HACE1: variants seen among roughly 807,000 people sequenced by gnomAD.
The protein encoded by HACE1 is HECT domain and ankyrin repeat containing E3 ubiquitin protein ligase 1, also known as E3 ubiquitin-protein ligase HACE1.
HACE1 carries 73 observed loss-of-function variants against 118.4 expected under a neutral mutation model. That is an observed-to-expected ratio of 0.62 (90% CI 0.51 to 0.75). The LOEUF is 0.75. Ranked by LOEUF, HACE1 falls within the 30% of genes least tolerant of loss-of-function variation. The probability of loss-of-function intolerance (pLI) is 0.00; values close to 1 mark genes in which losing one functional copy is unlikely to be tolerated. For missense variants in HACE1, 749 were observed against 1,102.2 expected (o/e 0.68, Z 4.54); for synonymous variants, 368 against 374.8 (o/e 0.98, Z 0.21).
chr6:104,834,494 A>T, intron 5 of HACE1, among the ~76,000 whole-genome samples: 1 of 152,028 alleles, frequency 6.6e-6, no homozygotes, highest in East Asian at 1.9e-4. Flanking sequence ...TTTTCACATG[A>T]TTTTTTTTCA....
chr6:104,784,921 A>G (rs949285551), intron 12 of HACE1, 64 bp downstream of exon 12: 1 of 1,030,588 alleles, frequency 9.7e-7, no homozygotes, highest in Non-Finnish European at 1.5e-6. Context: ...TGAAATTACA[A>G]AAGTATCACT....
intron 22 of HACE1, among the ~76,000 whole-genome samples, chr6:104,737,458 T>C (rs958502389): frequency 6.6e-6 from 1 of 151,914 alleles, no homozygotes; most frequent in Non-Finnish European, 1.5e-5. Context: ...TGGGCGCAGG[T>C]CAGTGGGTGT....
intron 19 of HACE1, among the ~76,000 whole-genome samples, chr6:104,769,707 G>C (rs1780410340): frequency 6.6e-6 from 1 of 152,116 alleles, no homozygotes; most frequent in South Asian, 2.1e-4. Context: ...TAGGAGGCTT[G>C]GGTTTTGGCC....
intron 19 of HACE1, among the ~76,000 whole-genome samples, chr6:104,754,380 T>G (rs1036407542): frequency 3.3e-5 from 5 of 152,052 alleles, no homozygotes; most frequent in Non-Finnish European, 5.9e-5. Context: ...CAGGCCAACA[T>G]TCAAATTCAG....
chr6:104,759,551 T>C (rs1012227875), intron 19 of HACE1, among the ~76,000 whole-genome samples: 1 of 151,834 alleles, frequency 6.6e-6, no homozygotes, highest in African/African-American at 2.4e-5. Context: ...TTTAAAGCAA[T>C]GTGTAGAAGG....
intron 17 of HACE1, among the ~76,000 whole-genome samples, chr6:104,773,190 T>A (rs554495011): frequency 4.5e-4 from 69 of 152,310 alleles, no homozygotes; most frequent in African/African-American, 1.7e-3. Flanking sequence ...AAACACATAA[T>A]GAGCTCATGC....
intron 6 of HACE1, among the ~76,000 whole-genome samples, chr6:104,816,288 C>T (rs1332914195): frequency 6.6e-6 from 1 of 152,216 alleles, no homozygotes; most frequent in Non-Finnish European, 1.5e-5. Flanking sequence ...ATGTCAGAGG[C>T]CTGGAGGCCT....
chr6:104,769,448 A>G lies in HACE1; in HGVS notation c.2211+1745T>C, dbSNP rs532267659. On this transcript the variant is annotated intron_variant, in intron 19 of 23. Coordinates refer to ENST00000262903, the MANE Select transcript of HACE1 (RefSeq NM_020771.4). ...ATCATTGCTTAATAAAGATTCTATG[A>G]CTTCATTACCCTTAATTGAGGGTAG... is the stretch of plus-strand genomic sequence containing the variant. Among the ~76,000 whole-genome samples, 4 of 152,302 alleles carry G rather than the reference A, an allele frequency of 2.6e-5. No homozygotes were observed. In the East Asian group the frequency reaches 7.7e-4, roughly 29 times the overall value.
chr6:104,837,002 A>C (rs1774608438), intron 5 of HACE1, among the ~76,000 whole-genome samples: 1 of 152,240 alleles, frequency 6.6e-6, no homozygotes, highest in Non-Finnish European at 1.5e-5. Flanking sequence ...CAAAGACCTA[A>C]GTAAGTGTGG....
intron 6 of HACE1, among the ~76,000 whole-genome samples, chr6:104,822,246 G>A (rs550359766): frequency 3.3e-5 from 5 of 151,198 alleles, no homozygotes; most frequent in South Asian, 4.2e-4. Flanking sequence ...ATCCAGGCGT[G>A]GTGGCAGGAG....
chr6:104,841,440 C>A (rs1406485239), intron 5 of HACE1, among the ~76,000 whole-genome samples: 7 of 152,092 alleles, frequency 4.6e-5, no homozygotes, highest in Admixed American at 4.6e-4. Context: ...GGTTTCATAA[C>A]CCTCTGTTGC....
intron 5 of HACE1, 89 bp from the exon 6 acceptor site, chr6:104,833,262 G>C (rs1774187597): frequency 1.7e-5 from 20 of 1,175,482 alleles, no homozygotes; most frequent in Non-Finnish European, 2.6e-5. Context: ...AGCTGGGCGT[G>C]ATTTGCACAT....
Position 104,843,313 on chromosome 6 carries a change from G to A in HACE1, c.327-15C>T, listed in dbSNP as rs576441972. 23 of 1,219,794 alleles carry A rather than the reference G, an allele frequency of 1.9e-5. No homozygotes were observed. The South Asian group carries it at 2.2e-4, about 11-fold the overall frequency. 75.6% of individuals were successfully genotyped at this position (1,219,794 alleles called of 1,614,324 possible). A position where few individuals can be genotyped will look rare whatever the true frequency, so the allele number is the denominator to read the frequency against. ...ATTTCTTCTGCCTGAAAAGAAAAAA[G>A]AGTCATGGATAACTGGTACTTAAAA... On this transcript the variant is annotated splice_polypyrimidine_tract_variant and intron_variant, in intron 4 of 23. Transcript: ENST00000262903.
chr6:104,833,887 A>C (rs1179189643), intron 5 of HACE1, among the ~76,000 whole-genome samples: 1 of 152,146 alleles, frequency 6.6e-6, no homozygotes, highest in South Asian at 2.1e-4. Flanking sequence ...TGGGAGGCTG[A>C]GGCAGGGGAA....
intron 11 of HACE1, among the ~76,000 whole-genome samples, chr6:104,791,159 CCTTA>C (rs1234542883): frequency 5.9e-5 from 9 of 152,128 alleles, no homozygotes; most frequent in African/African-American, 1.9e-4. Flanking sequence ...CATTTTATTT[CCTTA>C]CTAATAAGAA....
chr6:104,841,927 C>T (rs1238401738), intron 5 of HACE1, among the ~76,000 whole-genome samples: 3 of 152,142 alleles, frequency 2.0e-5, no homozygotes. Flanking sequence ...AGCAATATCC[C>T]ATACCACCTC....
At chr6:104,827,067 C>T (rs1773411156) in intron 6 of HACE1, among the ~76,000 whole-genome samples, 1 of 152,146 alleles carries the variant, frequency 6.6e-6, no homozygotes, top group Admixed American at 6.5e-5. Flanking sequence ...AACGAACATA[C>T]AAACCTAATG....
intron 1 of HACE1, among the ~76,000 whole-genome samples, chr6:104,855,703 C>T (rs1012495240): frequency 5.9e-5 from 9 of 152,134 alleles, no homozygotes; most frequent in South Asian, 2.1e-4. Context: ...CATTCTTTAT[C>T]GTTCATATAA....
intron 19 of HACE1, 105 bp from the exon 20 acceptor site, chr6:104,750,577 G>A: frequency 9.4e-7 from 1 of 1,062,832 alleles, no homozygotes; most frequent in Non-Finnish European, 1.4e-6. Context: ...AAATAAAATT[G>A]ACACCAACAC....
Sources: allele counts gnomAD v4.1 joint callset (sites outside exome capture counted in the v4.1 genomes callset), GRCh38; gene constraint gnomAD v4.1.1; transcripts MANE v1.5; gene names NCBI Gene and HGNC (gene_info 2026-07-23, HGNC 2026-07-21).